GRM8: variants seen among roughly 807,000 people sequenced by gnomAD.
The protein encoded by GRM8 is glutamate metabotropic receptor 8.
GRM8 carries 47 observed loss-of-function variants against 87.2 expected under a neutral mutation model. That is an observed-to-expected ratio of 0.54 (90% CI 0.43 to 0.69). The LOEUF (loss-of-function observed/expected upper bound fraction) is 0.69. Among genes scored for constraint, GRM8 ranks in the 30% least tolerant of loss-of-function variants. GRM8 has a pLI of 0.00. For synonymous variants in GRM8, 396 were observed against 404.5 expected (o/e 0.98, Z 0.25); for missense variants, 1,019 against 1,139.2 (o/e 0.89, Z 1.52).
rs904460999 is a variant in GRM8, at chr7:126,478,532, G to T, written c.2431-32160C>A. On this transcript the variant is annotated intron_variant, in intron 9 of 10. Coordinates refer to ENST00000339582, the MANE Select transcript of GRM8 (RefSeq NM_000845.3). ...GTAAATAATCTATTTAATTTTCATG[G>T]TTTTTGTATATTACTTAGACTCAAA... is the stretch of plus-strand genomic sequence containing the variant. 6.6e-5 allele frequency among the ~76,000 whole-genome samples: 10 copies of T among 151,788 alleles called. No individual in the cohort carries two copies. In the South Asian group the frequency reaches 1.9e-3, roughly 28 times the overall value.
At chr7:126,947,057 A>G (rs985822992) in intron 3 of GRM8, among the ~76,000 whole-genome samples, 2 of 152,216 alleles carry the variant, frequency 1.3e-5, no homozygotes, top group Non-Finnish European at 2.9e-5. Flanking sequence ...ACTGAGGCTT[A>G]AGTGGGTTAT....
At chr7:126,579,622 G>T (rs1795426461) in intron 8 of GRM8, among the ~76,000 whole-genome samples, 1 of 152,068 alleles carries the variant, frequency 6.6e-6, no homozygotes, top group Non-Finnish European at 1.5e-5. Flanking sequence ...TTTATGAGAA[G>T]GGAAAAAGTA....
intron 3 of GRM8, among the ~76,000 whole-genome samples, chr7:126,976,900 TA>T (rs1370962198): frequency 3.4e-5 from 4 of 119,202 alleles, no homozygotes; most frequent in South Asian, 2.8e-4. Context: ...TTATTTTCAT[TA>T]TTTTTTTTTT....
At chr7:126,666,355 G>A (rs1805768585) in intron 7 of GRM8, among the ~76,000 whole-genome samples, 1 of 152,072 alleles carries the variant, frequency 6.6e-6, no homozygotes, top group Non-Finnish European at 1.5e-5. Flanking sequence ...ATCAGACTAG[G>A]AAAATGTGCC....
chr7:126,727,704 TACAC>T (rs3038844), intron 7 of GRM8, among the ~76,000 whole-genome samples: 21,818 of 141,706 alleles, frequency 0.15, 1,632 homozygotes, highest in East Asian at 0.17. Flanking sequence ...TCTGAAATCA[TACAC>T]ACACACACAC....
At position 126,500,674 on chromosome 7, in the gene GRM8, TCA is replaced by T. The variant is rs1809507383; in HGVS notation, c.2430+32276_2430+32277del. Among the ~76,000 whole-genome samples, 10 of 152,176 alleles carry T rather than the reference TCA, an allele frequency of 6.6e-5. No homozygotes were observed. In the South Asian group the frequency reaches 2.1e-3, roughly 31 times the overall value. ...AGTAAGTTTAATATGTAAAAAATAC[TCA>T]GCACGGTGTTTGGCATGTAGTAATA... On this transcript the variant is annotated intron_variant, in intron 9 of 10. Transcript: ENST00000339582.
intron 3 of GRM8, among the ~76,000 whole-genome samples, chr7:126,912,206 C>T (rs1452851104): frequency 1.4e-5 from 2 of 145,908 alleles, no homozygotes; most frequent in Non-Finnish European, 3.0e-5. Flanking sequence ...CAAAAACAAA[C>T]AAACAAACAA....
chr7:126,439,987 T>C (rs138179532), intron 10 of GRM8, among the ~76,000 whole-genome samples: 106 of 152,160 alleles, frequency 7.0e-4, no homozygotes, highest in Middle Eastern at 3.4e-3. Flanking sequence ...TTTAAGTTTT[T>C]ATTACAAACA....
chr7:126,768,986 G>A (rs987292519), intron 7 of GRM8, among the ~76,000 whole-genome samples: 13 of 150,590 alleles, frequency 8.6e-5, no homozygotes, highest in South Asian at 4.2e-4. Flanking sequence ...AGATGACCTC[G>A]TGCTTTTCTG....
intron 3 of GRM8, among the ~76,000 whole-genome samples, chr7:126,977,645 G>GT (rs1394959461): frequency 1.1e-3 from 160 of 152,354 alleles, no homozygotes; most frequent in Middle Eastern, 3.4e-3. Flanking sequence ...TGCCCAGACT[G>GT]TGAGGCAGAT....
At chr7:127,177,491 A>G (rs865774165) in intron 2 of GRM8, among the ~76,000 whole-genome samples, 4 of 152,280 alleles carry the variant, frequency 2.6e-5, no homozygotes, top group South Asian at 2.1e-4. Flanking sequence ...TCTCCATACT[A>G]CTACAGCTGA....
chr7:127,118,482 A>G (rs779135420), intron 2 of GRM8, among the ~76,000 whole-genome samples: 37 of 152,202 alleles, frequency 2.4e-4, no homozygotes, highest in Non-Finnish European at 4.7e-4. Flanking sequence ...ACTGCTCTCT[A>G]TAAGCCTTCT....
intron 2 of GRM8, among the ~76,000 whole-genome samples, chr7:127,138,601 C>G (rs184914498): frequency 1.0e-3 from 154 of 152,206 alleles, no homozygotes; most frequent in Non-Finnish European, 1.9e-3. Context: ...ATTTCCATTT[C>G]ATTATAACTA....
At chr7:126,482,220 G>A (rs1036179934) in intron 9 of GRM8, among the ~76,000 whole-genome samples, 1 of 151,942 alleles carries the variant, frequency 6.6e-6, no homozygotes. Context: ...AAATGGTAAC[G>A]TTGCTTTGGA....
intron 7 of GRM8, among the ~76,000 whole-genome samples, chr7:126,726,513 C>T (rs1169379143): frequency 6.6e-6 from 1 of 152,122 alleles, no homozygotes; most frequent in Non-Finnish European, 1.5e-5. Context: ...GGTCCCAATC[C>T]TCCAAGTGGT....
chr7:127,015,088 GAGA>G lies in GRM8; in HGVS notation c.727+91405_727+91407del, dbSNP rs1476848079. 7.6e-3 allele frequency among the ~76,000 whole-genome samples: 977 copies of G among 127,822 alleles called. 26 individuals are homozygous for G. The highest frequency in any genetic ancestry group is 0.025 in the African/African-American group (881 of 35,020). 83.9% of individuals were successfully genotyped at this position (127,822 alleles called of 152,430 possible). A position where few individuals can be genotyped will look rare whatever the true frequency, so the allele number is the denominator to read the frequency against. On this transcript the variant is annotated intron_variant, in intron 3 of 10. Coordinates refer to ENST00000339582, the MANE Select transcript of GRM8 (RefSeq NM_000845.3). ...AGAAGAAAGAAAGAAGGAGAAGAAG[GAGA>G]AGAAGGAGAAGGAGAAGGAAGAAGG...
At chr7:126,873,848 T>C (rs1490847231) in intron 6 of GRM8, among the ~76,000 whole-genome samples, 2 of 152,126 alleles carry the variant, frequency 1.3e-5, no homozygotes, top group Non-Finnish European at 2.9e-5. Context: ...CCCGAATGCA[T>C]AAAAAGTCTG....
intron 3 of GRM8, among the ~76,000 whole-genome samples, chr7:126,909,007 A>G (rs1802998634): frequency 6.6e-6 from 1 of 152,206 alleles, no homozygotes; most frequent in Admixed American, 6.5e-5. Flanking sequence ...ATATCAGTCA[A>G]AAACCAGACA....
At chr7:126,505,770 T>A (rs1810364825) in intron 9 of GRM8, among the ~76,000 whole-genome samples, 1 of 152,138 alleles carries the variant, frequency 6.6e-6, no homozygotes, top group African/African-American at 2.4e-5. Flanking sequence ...ATATACGTTT[T>A]GAAATGATCA....
Sources: gnomAD v4.1 joint callset for allele counts (sites outside exome capture counted in the v4.1 genomes callset) on GRCh38, gnomAD v4.1.1 for gene constraint, MANE v1.5 for transcripts, NCBI Gene and HGNC (gene_info 2026-07-23, HGNC 2026-07-21) for gene names.